Variants in RPRD1A observed in about 807,000 individuals in gnomAD.
RPRD1A encodes the protein regulation of nuclear pre-mRNA domain containing 1A.
Under a neutral mutation model 37.8 loss-of-function variants are expected in RPRD1A, and 9 were observed. The observed-to-expected ratio is 0.24, with a 90% confidence interval of 0.14 to 0.42. The LOEUF (loss-of-function observed/expected upper bound fraction) is 0.42, where lower values mean the gene tolerates loss of function less well. RPRD1A is among the 10% of genes least tolerant of loss of function. The probability of loss-of-function intolerance (pLI) is 1.00; values close to 1 mark genes in which losing one functional copy is unlikely to be tolerated. For missense variants in RPRD1A, 255 were observed against 371.0 expected, an observed-to-expected ratio of 0.69 and a Z score of 2.57; for synonymous variants, 138 against 139.7, an observed-to-expected ratio of 0.99 and a Z score of 0.08.
At chr18:36,061,246 C>G (rs2144421666) in intron 1 of RPRD1A, among the ~76,000 whole-genome samples, 1 of 152,318 alleles carries the variant, frequency 6.6e-6, no homozygotes. Flanking sequence ...GCCCTTACCA[C>G]AAGACTATAA....
chr18:35,994,992 G>A (rs1169166520), intron 6 of RPRD1A, among the ~76,000 whole-genome samples: 1 of 152,022 alleles, frequency 6.6e-6, no homozygotes, highest in African/African-American at 2.4e-5. Context: ...TCCCTCTCCT[G>A]GTTAAGAATC....
At chr18:36,045,670 G>T (rs560326248) in intron 1 of RPRD1A, among the ~76,000 whole-genome samples, 55 of 152,314 alleles carry the variant, frequency 3.6e-4, no homozygotes, top group African/African-American at 1.3e-3. Flanking sequence ...TCGCAACTTT[G>T]CAACCTGATG....
Position 35,991,004 on chromosome 18 carries a change from AT to A in RPRD1A, c.*2146del, listed in dbSNP as rs551841798. The A allele has an allele frequency of 3.3e-5, 5 of 152,354 alleles. No individual in the cohort carries two copies. The South Asian group carries it at 1.0e-3, about 32-fold the overall frequency. The allele number at this position is 152,354 out of a possible 1,614,324, so 9.4% of individuals were successfully genotyped here. On this transcript the variant is annotated 3_prime_UTR_variant, in exon 7 of 7. Coordinates refer to ENST00000399022, the MANE Select transcript of RPRD1A (RefSeq NM_018170.5). The stretch of plus-strand genomic sequence containing the variant: ...AAATCTCATCAAGCTCTTTAAAAAA[AT>A]AATGCATTTTTATCATAAATATTTA...
At chr18:36,029,624 T>TAA (rs79491198) in intron 4 of RPRD1A, among the ~76,000 whole-genome samples, 13 of 113,052 alleles carry the variant, frequency 1.1e-4, no homozygotes, top group East Asian at 7.3e-4. Flanking sequence ...AATGCCCACT[T>TAA]AAAAAAAAAA....
intron 1 of RPRD1A, among the ~76,000 whole-genome samples, chr18:36,048,182 T>A (rs1363308645): frequency 6.7e-6 from 1 of 148,628 alleles, no homozygotes; most frequent in Non-Finnish European, 1.5e-5. Flanking sequence ...TTCTCCTGCC[T>A]CAGCTTCCCA....
chr18:36,022,168 A>G (rs1272565176), intron 6 of RPRD1A, among the ~76,000 whole-genome samples: 1 of 152,246 alleles, frequency 6.6e-6, no homozygotes, highest in African/African-American at 2.4e-5. Flanking sequence ...CTTCAATTCT[A>G]TGAAGCCTGA....
At chr18:36,063,650 A>C (rs2088959463) in intron 1 of RPRD1A, among the ~76,000 whole-genome samples, 1 of 152,250 alleles carries the variant, frequency 6.6e-6, no homozygotes, top group Non-Finnish European at 1.5e-5. Flanking sequence ...AATGTGATTC[A>C]AGATATGGTA....
At chr18:36,021,888 C>T (rs1393641049) in intron 6 of RPRD1A, among the ~76,000 whole-genome samples, 1 of 152,138 alleles carries the variant, frequency 6.6e-6, no homozygotes, top group Non-Finnish European at 1.5e-5. Context: ...CTACTTCCAG[C>T]TACTCAGGAG....
chr18:35,993,322 A>C lies in RPRD1A; in HGVS notation c.790-22T>G, dbSNP rs778145257. On this transcript the variant is annotated intron_variant, in intron 6 of 6. Coordinates refer to ENST00000399022, the MANE Select transcript of RPRD1A (RefSeq NM_018170.5). ...ACTCCTGTAACATCAAACCACTTTC[A>C]TTAGCATTCAGGGATTGAAAAAACT... 4.3e-6 allele frequency: 7 copies of C among 1,613,150 alleles called. No individual in the cohort carries two copies. In the Admixed American group the frequency reaches 8.4e-5, roughly 19 times the overall value.
intron 6 of RPRD1A, among the ~76,000 whole-genome samples, chr18:36,000,521 C>T (rs1308877406): frequency 6.6e-6 from 1 of 152,172 alleles, no homozygotes; most frequent in Non-Finnish European, 1.5e-5. Flanking sequence ...CTGCAAGGAA[C>T]CCAATGCCTG....
At position 36,026,715 on chromosome 18, in the gene RPRD1A, T is replaced by C. The variant is rs566057431; in HGVS notation, c.789+185A>G. 1.1e-5 allele frequency: 5 copies of C among 453,506 alleles called. No individual in the cohort carries two copies. In the South Asian group the frequency reaches 2.5e-4, roughly 23 times the overall value. The allele number at this position is 453,506 out of a possible 1,614,324, so 28.1% of individuals were successfully genotyped here. A position where few individuals can be genotyped will look rare whatever the true frequency, so the allele number is the denominator to read the frequency against. ...GCTAATTCCAAATTTCTAAGTTTAC[T>C]TGCAAGATTAATTTGGTTCAAGTAG... is the stretch of plus-strand genomic sequence containing the variant. On this transcript the variant is annotated intron_variant, in intron 6 of 6. Transcript: ENST00000399022.
At chr18:36,002,937 G>T (rs981706215) in intron 6 of RPRD1A, among the ~76,000 whole-genome samples, 2 of 152,190 alleles carry the variant, frequency 1.3e-5, no homozygotes, top group African/African-American at 4.8e-5. Flanking sequence ...TACACATTAG[G>T]AAGTTTTAAA....
chr18:36,037,254 T>C (rs991652288), intron 1 of RPRD1A, among the ~76,000 whole-genome samples: 4 of 151,122 alleles, frequency 2.6e-5, no homozygotes, highest in African/African-American at 9.8e-5. Flanking sequence ...TCCCATGTCA[T>C]AGGAGGAACC....
intron 6 of RPRD1A, among the ~76,000 whole-genome samples, chr18:36,013,842 G>A (rs192020817): frequency 1.3e-5 from 2 of 152,004 alleles, no homozygotes; most frequent in Admixed American, 6.6e-5. Flanking sequence ...ACAGTAAAAC[G>A]TTTCAAAAAT....
At chr18:36,014,081 A>G (rs929952582) in intron 6 of RPRD1A, among the ~76,000 whole-genome samples, 8 of 152,202 alleles carry the variant, frequency 5.3e-5, no homozygotes, top group Non-Finnish European at 1.2e-4. Flanking sequence ...ATACACATAC[A>G]TATATAAAAG....
intron 1 of RPRD1A, among the ~76,000 whole-genome samples, chr18:36,066,527 T>A (rs190657454): frequency 6.6e-6 from 1 of 152,366 alleles, no homozygotes; most frequent in East Asian, 1.9e-4. Flanking sequence ...TTGCTCTGCA[T>A]ACATGAACTG....
At chr18:36,018,175 G>A (rs1206790187) in intron 6 of RPRD1A, among the ~76,000 whole-genome samples, 1 of 150,018 alleles carries the variant, frequency 6.7e-6, no homozygotes, top group African/African-American at 2.5e-5. Flanking sequence ...AAATCCTCAA[G>A]TGTCTTTCAA....
intron 1 of RPRD1A, among the ~76,000 whole-genome samples, chr18:36,044,128 T>C (rs1289313721): frequency 1.3e-5 from 2 of 152,150 alleles, no homozygotes; most frequent in African/African-American, 4.8e-5. Flanking sequence ...CATTTTAATG[T>C]TGAATAGGCT....
chr18:36,029,271 T>C (rs1911592623), intron 4 of RPRD1A, among the ~76,000 whole-genome samples: 1 of 152,186 alleles, frequency 6.6e-6, no homozygotes, highest in Admixed American at 6.5e-5. Context: ...GTATTTTTCT[T>C]TCACCTTCAT....
Sources: allele counts gnomAD v4.1 joint callset (sites outside exome capture counted in the v4.1 genomes callset), GRCh38; gene constraint gnomAD v4.1.1; transcripts MANE v1.5; gene names NCBI Gene and HGNC (gene_info 2026-07-23, HGNC 2026-07-21).